CCDC88A: variants seen among roughly 807,000 people sequenced by gnomAD.
The protein encoded by CCDC88A is coiled-coil and HOOK domain protein 88A.
A neutral mutation model predicts 234.3 loss-of-function variants in CCDC88A; 54 were observed. That is an observed-to-expected ratio of 0.23 (90% CI 0.19 to 0.29). CCDC88A has a LOEUF of 0.29. Among genes scored for constraint, CCDC88A ranks in the 10% least tolerant of loss-of-function variants. The pLI is 1.00. For missense variants in CCDC88A, 1,832 were observed against 2,123.4 expected (o/e 0.86, Z 2.70); for synonymous variants, 753 against 737.8 (o/e 1.02, Z -0.33).
chr2:55,343,610 A>G (rs748534720), intron 12 of CCDC88A, 38 bp downstream of exon 12: 2 of 1,509,480 alleles, frequency 1.3e-6, no homozygotes, highest in Non-Finnish European at 1.8e-6. Flanking sequence ...CAACTTCATG[A>G]TTCGATTATC....
chr2:55,335,253 A>G lies in CCDC88A; in HGVS notation c.1657-89T>C. On this transcript the variant is annotated intron_variant, in intron 14 of 32. Coordinates refer to ENST00000436346, the MANE Select transcript of CCDC88A (RefSeq NM_001365480.1). The surrounding 1 kb of genome is among the most constrained non-coding windows in gnomAD (Gnocchi z 4.5). ...TCCAAAAACTACCAAGAAAAGGGGA[A>G]CAAAAAAAGGGTGCTAGAACATGTC... 1 of 796,756 alleles carries G rather than the reference A, an allele frequency of 1.3e-6. No homozygotes were observed. The highest frequency in any genetic ancestry group is 2.7e-5 in the South Asian group (1 of 36,920). The allele number at this position is 796,756 out of a possible 1,614,324, so 49.4% of individuals were successfully genotyped here.
intron 2 of CCDC88A, among the ~76,000 whole-genome samples, chr2:55,389,729 A>T (rs1676282447): frequency 6.6e-6 from 1 of 152,036 alleles, no homozygotes; most frequent in Non-Finnish European, 1.5e-5. Flanking sequence ...ATCTTTAATT[A>T]ATACTTAGTG....
intron 19 of CCDC88A, among the ~76,000 whole-genome samples, chr2:55,318,077 T>C (rs1683189757): frequency 2.0e-5 from 3 of 152,094 alleles, no homozygotes; most frequent in South Asian, 2.1e-4. Flanking sequence ...TATATATGTA[T>C]TGTATGTTTT....
chr2:55,395,126 G>A (rs1289242570), intron 2 of CCDC88A, among the ~76,000 whole-genome samples: 5 of 152,104 alleles, frequency 3.3e-5, no homozygotes, highest in Non-Finnish European at 7.4e-5. Flanking sequence ...GATCACAGGC[G>A]TGAGCCACTG....
At chr2:55,398,796 T>C (rs1678070375) in intron 2 of CCDC88A, among the ~76,000 whole-genome samples, 1 of 151,882 alleles carries the variant, frequency 6.6e-6, no homozygotes, top group Admixed American at 6.6e-5. Context: ...GCCCAGGAGT[T>C]TGAGGCTGCA....
At chr2:55,401,863 C>A (rs1388410078) in intron 2 of CCDC88A, among the ~76,000 whole-genome samples, 1 of 152,006 alleles carries the variant, frequency 6.6e-6, no homozygotes, top group Non-Finnish European at 1.5e-5. Flanking sequence ...GCATGATATT[C>A]ACTGATTTAA....
chr2:55,399,558 G>A (rs970802204), intron 2 of CCDC88A: 1 of 150,556 alleles, frequency 6.6e-6, no homozygotes, highest in Non-Finnish European at 1.5e-5. Context: ...GCACTCCAGA[G>A]AACTGAACTG....
At chr2:55,343,503 CA>C in intron 12 of CCDC88A, 144 bp downstream of exon 12, 2 of 553,478 alleles carry the variant, frequency 3.6e-6, no homozygotes, top group Non-Finnish European at 6.0e-6. Flanking sequence ...AAAATGCAAA[CA>C]ATATATTACT....
intron 12 of CCDC88A, among the ~76,000 whole-genome samples, chr2:55,341,145 T>C (rs199598356): frequency 0.033 from 3,964 of 121,232 alleles, 63 homozygotes; most frequent in African/African-American, 0.098. Flanking sequence ...TCTTTCTTTT[T>C]TTTTTTTTTT....
intron 27 of CCDC88A, 90 bp downstream of exon 27, chr2:55,301,782 C>T: frequency 9.4e-7 from 1 of 1,067,386 alleles, no homozygotes; most frequent in Non-Finnish European, 1.4e-6. Flanking sequence ...TTTCAGGTTG[C>T]TGCTTTTTAA....
intron 15 of CCDC88A, among the ~76,000 whole-genome samples, chr2:55,333,307 T>C (rs1004586402): frequency 6.6e-6 from 1 of 152,132 alleles, no homozygotes; most frequent in African/African-American, 2.4e-5. Flanking sequence ...TGCTTAGAGA[T>C]GGGAAAAAAA....
intron 8 of CCDC88A, among the ~76,000 whole-genome samples, chr2:55,350,987 CT>C (rs1326734592): frequency 6.6e-6 from 1 of 152,208 alleles, no homozygotes; most frequent in African/African-American, 2.4e-5. Flanking sequence ...AAAATATTCC[CT>C]TTGCTAGAGA....
chr2:55,400,072 C>G (rs1558823323), intron 2 of CCDC88A, among the ~76,000 whole-genome samples: 1 of 152,136 alleles, frequency 6.6e-6, no homozygotes, highest in Non-Finnish European at 1.5e-5. Flanking sequence ...ACAGAATTCT[C>G]TAAAGAGAAA....
intron 5 of CCDC88A, among the ~76,000 whole-genome samples, chr2:55,365,412 T>C (rs1318833563): frequency 2.0e-5 from 3 of 152,172 alleles, no homozygotes; most frequent in African/African-American, 7.2e-5. Flanking sequence ...TTTCTGAACC[T>C]ATCAGAACAC....
chr2:55,304,217 G>C (rs181564094), intron 25 of CCDC88A, among the ~76,000 whole-genome samples: 1 of 152,268 alleles, frequency 6.6e-6, no homozygotes, highest in African/African-American at 2.4e-5. Context: ...AGGATCGCTT[G>C]AGCCCAGGAG....
chr2:55,396,427 T>C (rs1677558351), intron 2 of CCDC88A, among the ~76,000 whole-genome samples: 1 of 152,202 alleles, frequency 6.6e-6, no homozygotes, highest in Non-Finnish European at 1.5e-5. Context: ...CATTTAGACC[T>C]AGAAACACTT....
intron 5 of CCDC88A, among the ~76,000 whole-genome samples, chr2:55,369,057 T>TG (rs1273962163): frequency 6.6e-6 from 1 of 152,154 alleles, no homozygotes; most frequent in Non-Finnish European, 1.5e-5. Context: ...TTTTTTGAGA[T>TG]GGAGTCTTGC....
chr2:55,338,279 C>T (rs1385127841), intron 13 of CCDC88A, among the ~76,000 whole-genome samples: 1 of 152,134 alleles, frequency 6.6e-6, no homozygotes, highest in Non-Finnish European at 1.5e-5. Context: ...AGTTAATGGA[C>T]TGAAGACAAT....
intron 2 of CCDC88A, among the ~76,000 whole-genome samples, chr2:55,409,693 G>C (rs1342789513): frequency 2.0e-5 from 3 of 151,156 alleles, no homozygotes; most frequent in South Asian, 2.1e-4. Context: ...TGCTTCCACT[G>C]GGAGAGGAGT....
Sources: gnomAD v4.1 joint callset for allele counts (sites outside exome capture counted in the v4.1 genomes callset) on GRCh38, gnomAD v4.1.1 for gene constraint, Gnocchi (gnomAD v3.1) non-coding constraint, MANE v1.5 for transcripts, NCBI Gene and HGNC (gene_info 2026-07-23, HGNC 2026-07-21) for gene names.